PKNOX1: variants seen among roughly 807,000 people sequenced by gnomAD.
The protein encoded by PKNOX1 is PBX/knotted 1 homeobox 1, also known as homeobox protein PKNOX1.
PKNOX1 carries 15 observed loss-of-function variants against 51.9 expected under a neutral mutation model. That is an observed-to-expected ratio of 0.29 (90% CI 0.19 to 0.45). The LOEUF is 0.45. Ranked by LOEUF, PKNOX1 falls within the 20% of genes least tolerant of loss-of-function variation. PKNOX1 has a pLI of 1.00. For missense variants in PKNOX1, 462 were observed against 547.5 expected, an observed-to-expected ratio of 0.84 and a Z score of 1.56; for synonymous variants, 219 against 211.1, an observed-to-expected ratio of 1.04 and a Z score of -0.32.
Position 42,975,613 on chromosome 21 carries a change from C to T in PKNOX1, c.-57+949C>T, listed in dbSNP as rs376191913. On this transcript the variant is annotated intron_variant, in intron 1 of 10. Transcript: ENST00000291547. ...GAAATGCCTTATTTGGACAGTGGCTCTGCGACGGGACCAGTTAGGGCCTCC... is the reference window on the plus strand; with the variant it reads ...GAAATGCCTTATTTGGACAGTGGCTTTGCGACGGGACCAGTTAGGGCCTCC... 1.8e-4 allele frequency among the ~76,000 whole-genome samples: 27 copies of T among 152,364 alleles called. No homozygotes were observed. In the East Asian group the frequency reaches 4.6e-3, roughly 26 times the overall value.
Position 43,032,157 on chromosome 21 carries a change from G to T in PKNOX1, c.*2056G>T. The T allele has an allele frequency of 2.2e-6, 1 of 456,162 alleles. No homozygotes were observed. The highest frequency in any genetic ancestry group is 4.4e-6 in the Non-Finnish European group (1 of 226,920). The allele number at this position is 456,162 out of a possible 1,614,324, so 28.3% of individuals were successfully genotyped here. A position where few individuals can be genotyped will look rare whatever the true frequency, so the allele number is the denominator to read the frequency against. On this transcript the variant is annotated 3_prime_UTR_variant, in exon 11 of 11. Transcript: ENST00000291547. ...TTACAGGTGTGAGCCACCGCGCCCG[G>T]CCGAGAATGACATCTTAAAGCCACC...
intron 6 of PKNOX1, 86 bp from the exon 7 acceptor site, chr21:43,018,047 C>CAAAAA (rs60175567): frequency 0.058 from 15,782 of 273,186 alleles, 355 homozygotes; most frequent in South Asian, 0.07. Flanking sequence ...CCTGTCTCTA[C>CAAAAA]AAAAAAAAAA....
Position 43,018,487 on chromosome 21 carries a change from CACACACACACACACACACACACA to C in PKNOX1, c.720+258_720+280del, listed in dbSNP as rs1979610899. Among the ~76,000 whole-genome samples the C allele has an allele frequency of 5.5e-5, 2 of 36,608 alleles. 1 individual carries two copies. The highest frequency in any genetic ancestry group is 2.3e-3 in the South Asian group (2 of 852). 24.0% of individuals were successfully genotyped at this position (36,608 alleles called of 152,430 possible). ...ACCCCCTGCCACCCACACACACACA[CACACACACACACACACACACACA>C]CACACACACACACAGAGTTATCCAG... On this transcript the variant is annotated intron_variant, in intron 7 of 10. Transcript: ENST00000291547.
At chr21:43,018,047 CAA>C (rs60175567) in intron 6 of PKNOX1, 84 bp from the exon 7 acceptor site, 3,141 of 278,134 alleles carry the variant, frequency 0.011, no homozygotes, top group East Asian at 0.022. Context: ...CCTGTCTCTA[CAA>C]AAAAAAAAAA....
intron 10 of PKNOX1, 185 bp downstream of exon 10, chr21:43,029,059 G>A: frequency 6.3e-6 from 4 of 630,174 alleles, no homozygotes; most frequent in Non-Finnish European, 8.5e-6. Flanking sequence ...CTCTCAGTAA[G>A]AGTTAGGAGC....
chr21:42,975,502 T>A (rs2058990720), intron 1 of PKNOX1, among the ~76,000 whole-genome samples: 2 of 152,216 alleles, frequency 1.3e-5, no homozygotes, highest in Non-Finnish European at 2.9e-5. Context: ...CCCTGTGGGT[T>A]TGCACCTTCC....
intron 1 of PKNOX1, among the ~76,000 whole-genome samples, chr21:42,979,957 T>C (rs1415557636): frequency 6.6e-6 from 1 of 152,210 alleles, no homozygotes; most frequent in Non-Finnish European, 1.5e-5. Context: ...AGATTAACCT[T>C]CTGCGCTTAT....
intron 1 of PKNOX1, among the ~76,000 whole-genome samples, chr21:43,002,186 C>T (rs234767): frequency 0.21 from 32,035 of 151,884 alleles, 3,730 homozygotes; most frequent in Non-Finnish European, 0.25. Context: ...ACACAGTTAC[C>T]CTCTACATGT....
chr21:42,980,700 A>G (rs1195764232), intron 1 of PKNOX1, among the ~76,000 whole-genome samples: 1 of 152,240 alleles, frequency 6.6e-6, no homozygotes, highest in Non-Finnish European at 1.5e-5. Context: ...TGATAGTCCC[A>G]TTTATTAGCT....
intron 1 of PKNOX1, among the ~76,000 whole-genome samples, chr21:42,978,784 C>CT (rs2059011609): frequency 6.6e-6 from 1 of 151,358 alleles, no homozygotes; most frequent in African/African-American, 2.4e-5. Context: ...GCACCCAGCC[C>CT]TTTTTTGTTT....
In PKNOX1 at chr21:42,991,689, G is replaced by A. The variant is rs185825176; in HGVS notation, c.-56-12637G>A. 4.1e-3 allele frequency among the ~76,000 whole-genome samples: 627 copies of A among 151,626 alleles called. 4 individuals are homozygous for A. The highest frequency in any genetic ancestry group is 0.014 in the African/African-American group (593 of 41,360). On this transcript the variant is annotated intron_variant, in intron 1 of 10. Coordinates refer to ENST00000291547, the MANE Select transcript of PKNOX1 (RefSeq NM_004571.5). ...GCGGAGCTTGCGGTGAGCCAAGATC[G>A]TGCCACTGCACTCCAGCATGGGCGA... is the stretch of plus-strand genomic sequence containing the variant.
At chr21:43,028,939 TG>T in intron 10 of PKNOX1, 65 bp downstream of exon 10, 9 of 1,514,366 alleles carry the variant, frequency 5.9e-6, no homozygotes, top group South Asian at 1.1e-5. Context: ...ACAAGAGGCC[TG>T]GATCAGGCCT....
intron 10 of PKNOX1, 125 bp downstream of exon 10, chr21:43,028,999 CTT>C (rs1980108713): frequency 1.1e-6 from 1 of 907,410 alleles, no homozygotes; most frequent in Non-Finnish European, 1.8e-6. Context: ...GCGTGGTTCT[CTT>C]TCTCTGCAAC....
Position 43,024,928 on chromosome 21 carries a change from C to G in PKNOX1, c.907C>G (p.Leu303Val). The G allele has an allele frequency of 6.2e-7, 1 of 1,610,000 alleles. No individual in the cohort carries two copies. The highest frequency in any genetic ancestry group is 2.2e-5 in the East Asian group (1 of 44,836). Residue 303 changes from leucine to valine, a missense_variant, in exon 9 of 11, where the codon CTA becomes GTA. Coordinates refer to ENST00000291547, the MANE Select transcript of PKNOX1 (RefSeq NM_004571.5). ...GATTGCTGCTCAGACAAATTTGACA[C>G]TACTCCAAGTCAACAACTGGTAAGG... Reference protein sequence around the residue: ...KQIAAQTNLTLLQVNNWFINA... With the variant: ...KQIAAQTNLTVLQVNNWFINA...
At chr21:43,022,675 A>T (rs1979814531) in intron 8 of PKNOX1, among the ~76,000 whole-genome samples, 1 of 152,198 alleles carries the variant, frequency 6.6e-6, no homozygotes, top group Middle Eastern at 3.2e-3. Flanking sequence ...ATTGGTTCAA[A>T]GAGATCAGTC....
chr21:42,978,844 T>G (rs2059011966), intron 1 of PKNOX1, among the ~76,000 whole-genome samples: 1 of 152,106 alleles, frequency 6.6e-6, no homozygotes, highest in African/African-American at 2.4e-5. Flanking sequence ...GGTCTCAAAC[T>G]CCTGGCCTCA....
Position 43,028,795 on chromosome 21 carries a change from G to A in PKNOX1, c.1020G>A (p.Arg340=), listed in dbSNP as rs1251725609. ...PKTKKKTAQN[R]PVQRFWPDSI... ...CAAAGAAAAAAACTGCTCAGAACCGGCCAGTTCAGAGGTTTTGGCCTGATT... is the reference window on the plus strand; with the variant it reads ...CAAAGAAAAAAACTGCTCAGAACCGACCAGTTCAGAGGTTTTGGCCTGATT... Residue 340 remains arginine (R), a synonymous_variant, in exon 10 of 11, where the codon CGG becomes CGA. Transcript: ENST00000291547. 4.3e-6 allele frequency: 7 copies of A among 1,613,988 alleles called. No homozygotes were observed. The highest frequency in any genetic ancestry group is 5.9e-6 in the Non-Finnish European group (7 of 1,180,016).
rs575893269 is a variant in PKNOX1 at position 43,018,809 on chromosome 21, C to G, written c.720+579C>G. On this transcript the variant is annotated intron_variant, in intron 7 of 10. Transcript: ENST00000291547. ...AGTTCTTACTTTAAGAACATTGATT[C>G]TGGGCCGGGCACGGTGACGTCTGTA... Among the ~76,000 whole-genome samples the G allele has an allele frequency of 3.9e-5, 6 of 152,118 alleles. No individual in the cohort carries two copies. The East Asian group carries it at 1.2e-3, about 29-fold the overall frequency.
In PKNOX1 at chr21:43,032,748, T is replaced by A. The variant is rs1980331902; in HGVS notation, c.*2647T>A. 1 of 152,360 alleles carries A rather than the reference T, an allele frequency of 6.6e-6. No homozygotes were observed. Among genetic ancestry groups the A allele is most frequent in the Non-Finnish European group, 1.5e-5 (1 of 68,142 alleles). 9.4% of individuals were successfully genotyped at this position (152,360 alleles called of 1,614,324 possible). On this transcript the variant is annotated 3_prime_UTR_variant, in exon 11 of 11. Transcript: ENST00000291547. ...AGCTGCAAACTTTCTTCAACTTTCC[T>A]AAATTCTTACTAAATTCAGAGGAAT...
Sources: allele counts gnomAD v4.1 joint callset (sites outside exome capture counted in the v4.1 genomes callset), GRCh38; gene constraint gnomAD v4.1.1; transcripts MANE v1.5; gene names NCBI Gene and HGNC (gene_info 2026-07-23, HGNC 2026-07-21).